The following WWOX variants were observed in gnomAD, a reference collection of about 807,000 sequenced individuals.
WWOX encodes the protein WW domain-containing oxidoreductase.
Under a neutral mutation model 46.2 loss-of-function variants are expected in WWOX, and 69 were observed. That is an observed-to-expected ratio of 1.49 (90% CI 1.23 to 1.82). The LOEUF (loss-of-function observed/expected upper bound fraction) is 1.82, where lower values mean the gene tolerates loss of function less well. Among genes scored for constraint, WWOX ranks in the 40% most tolerant of loss-of-function variants. WWOX has a pLI of 0.00. For synonymous variants in WWOX, 359 were observed against 202.6 expected (o/e 1.77, Z -6.56); for missense variants, 919 against 542.6 (o/e 1.69, Z -6.89).
At chr16:78,809,711 G>T (rs527510020) in intron 8 of WWOX, among the ~76,000 whole-genome samples, 1 of 152,160 alleles carries the variant, frequency 6.6e-6, no homozygotes, top group South Asian at 2.1e-4. Flanking sequence ...GGCCATGTGG[G>T]CTTTGTTTGA....
chr16:78,298,399 G>T lies in WWOX; in HGVS notation c.517-88461G>T, dbSNP rs998350683. On this transcript the variant is annotated intron_variant, in intron 5 of 8. Transcript: ENST00000566780. ...GGGTTTCCAGTTTCAGATAGACATG[G>T]GTTTGTATCCTGGCTCTGCCCCTCA... Among the ~76,000 whole-genome samples, 5 of 152,226 alleles carry T rather than the reference G, an allele frequency of 3.3e-5. 1 individual carries two copies. In the South Asian group the frequency reaches 8.3e-4, roughly 25 times the overall value.
chr16:78,366,584 C>T (rs1191286231), intron 5 of WWOX, among the ~76,000 whole-genome samples: 1 of 152,178 alleles, frequency 6.6e-6, no homozygotes, highest in Non-Finnish European at 1.5e-5. Flanking sequence ...AATTCCTGCC[C>T]AGCACCTGGC....
intron 8 of WWOX, among the ~76,000 whole-genome samples, chr16:78,801,635 C>T (rs980160777): frequency 6.6e-6 from 1 of 152,146 alleles, no homozygotes; most frequent in East Asian, 1.9e-4. Flanking sequence ...AATTTCTCTC[C>T]TTAACTTTGT....
intron 8 of WWOX, among the ~76,000 whole-genome samples, chr16:78,854,082 C>A (rs1276928657): frequency 1.3e-5 from 2 of 152,144 alleles, no homozygotes; most frequent in African/African-American, 4.8e-5. Flanking sequence ...CTATATTTTT[C>A]TCAGCATTTA....
At chr16:78,528,165 A>ATTTTTTTTTTTTTTTTTTTTTTTTTT (rs56803717) in intron 8 of WWOX, among the ~76,000 whole-genome samples, 1 of 58,396 alleles carries the variant, frequency 1.7e-5, no homozygotes, top group African/African-American at 8.4e-5. Flanking sequence ...CACCTGGCTA[A>ATTTTTTTTTTTTTTTTTTTTTTTTTT]TTTTTTTTTT....
chr16:78,497,753 GT>G (rs2084951275), intron 8 of WWOX, among the ~76,000 whole-genome samples: 1 of 152,094 alleles, frequency 6.6e-6, no homozygotes, highest in African/African-American at 2.4e-5. Flanking sequence ...AGGGACAGTG[GT>G]TGGGTCTGGA....
At chr16:79,027,070 A>G (rs1322122945) in intron 8 of WWOX, among the ~76,000 whole-genome samples, 1 of 151,630 alleles carries the variant, frequency 6.6e-6, no homozygotes, top group Non-Finnish European at 1.5e-5. Flanking sequence ...ACGTGAGCCC[A>G]GCAGTTCAAG....
chr16:78,895,869 A>C (rs935546451), intron 8 of WWOX: 1 of 152,218 alleles, frequency 6.6e-6, no homozygotes, highest in East Asian at 1.9e-4. Flanking sequence ...AAGCTGATAC[A>C]GTTCATGAAA....
At chr16:78,123,494 G>A (rs556638525) in intron 4 of WWOX, 1 of 90,424 alleles carries the variant, frequency 1.1e-5, no homozygotes, top group African/African-American at 4.0e-5. Context: ...GTCTTCCTCT[G>A]TTGCCCAGGC....
At chr16:78,432,243 G>A (rs117622742) in intron 7 of WWOX, among the ~76,000 whole-genome samples, 24 of 151,514 alleles carry the variant, frequency 1.6e-4, no homozygotes, top group Non-Finnish European at 2.2e-4. Context: ...TCAGATTCCC[G>A]TGTACAGGCA....
chr16:78,627,834 G>T (rs780754786), intron 8 of WWOX, among the ~76,000 whole-genome samples: 1 of 152,208 alleles, frequency 6.6e-6, no homozygotes, highest in Non-Finnish European at 1.5e-5. Flanking sequence ...AGATGATGCC[G>T]ACTTAGACAG....
At chr16:78,841,369 C>G (rs371654581) in intron 8 of WWOX, among the ~76,000 whole-genome samples, 5 of 152,160 alleles carry the variant, frequency 3.3e-5, no homozygotes, top group Non-Finnish European at 7.3e-5. Flanking sequence ...TAGACATGCC[C>G]TTAGCGAGCA....
chr16:78,144,471 A>ATATATATATATATG lies in WWOX; in HGVS notation c.410-19699_410-19698insGTATATATATATAT, dbSNP rs1555543080. Among the ~76,000 whole-genome samples, 28 of 33,574 alleles carry ATATATATATATATG rather than the reference A, an allele frequency of 8.3e-4. 1 individual carries two copies. Among genetic ancestry groups the ATATATATATATATG allele is most frequent in the Admixed American group, 2.5e-3 (6 of 2,354 alleles). The allele number at this position is 33,574 out of a possible 152,430, so 22.0% of individuals were successfully genotyped here. On this transcript the variant is annotated intron_variant, in intron 4 of 8. Transcript: ENST00000566780. ...TACACATATATATATATACACACAT[A>ATATATATATATATG]TATATATATATATATACACACACAC...
chr16:78,709,129 G>A (rs771620939), intron 8 of WWOX, among the ~76,000 whole-genome samples: 3 of 152,066 alleles, frequency 2.0e-5, no homozygotes, highest in East Asian at 1.9e-4. Context: ...TCTCCTCCTC[G>A]TTCTCTAAAT....
intron 8 of WWOX, among the ~76,000 whole-genome samples, chr16:78,636,852 A>G (rs1242360012): frequency 6.6e-6 from 1 of 152,190 alleles, no homozygotes; most frequent in Admixed American, 6.5e-5. Flanking sequence ...TTCATGGTAC[A>G]GCCCTGAGCT....
intron 8 of WWOX, chr16:78,897,142 C>G (rs151088727): frequency 7.1e-6 from 1 of 141,532 alleles, no homozygotes; most frequent in Non-Finnish European, 1.5e-5. Flanking sequence ...CGTAGCTACT[C>G]TGGTGGCTGA....
chr16:78,952,430 T>G (rs954352745), intron 8 of WWOX, among the ~76,000 whole-genome samples: 1 of 151,206 alleles, frequency 6.6e-6, no homozygotes, highest in East Asian at 2.0e-4. Flanking sequence ...TCCCCCACGC[T>G]GGAGTACAGT....
intron 8 of WWOX, among the ~76,000 whole-genome samples, chr16:78,903,779 T>G (rs1323997908): frequency 6.6e-6 from 1 of 152,202 alleles, no homozygotes; most frequent in Non-Finnish European, 1.5e-5. Context: ...ACCCGTGGGT[T>G]CCTTTCTAGC....
At chr16:78,546,375 A>G (rs2044031587) in intron 8 of WWOX, among the ~76,000 whole-genome samples, 1 of 152,136 alleles carries the variant, frequency 6.6e-6, no homozygotes, top group African/African-American at 2.4e-5. Flanking sequence ...TGTATACAAC[A>G]GGTTTCGGGA....
Sources: gnomAD v4.1 joint callset for allele counts (sites outside exome capture counted in the v4.1 genomes callset) on GRCh38, gnomAD v4.1.1 for gene constraint, MANE v1.5 for transcripts, NCBI Gene and HGNC (gene_info 2026-07-23, HGNC 2026-07-21) for gene names.